KSR2: variants seen among roughly 807,000 people sequenced by gnomAD.
KSR2 encodes the protein kinase suppressor of ras 2.
Under a neutral mutation model 107.8 loss-of-function variants are expected in KSR2, and 25 were observed. That is an observed-to-expected ratio of 0.23 (90% CI 0.17 to 0.32). The LOEUF is 0.32. Among genes scored for constraint, KSR2 ranks in the 10% least tolerant of loss-of-function variants. The pLI is 1.00. For synonymous variants in KSR2, 480 were observed against 507.0 expected (o/e 0.95, Z 0.71); for missense variants, 887 against 1,268.9 (o/e 0.70, Z 4.57).
In KSR2 at chr12:117,453,978, T is replaced by C. The variant is rs1870466656; in HGVS notation, c.*13221A>G. On this transcript the variant is annotated 3_prime_UTR_variant, in exon 20 of 20. Transcript: ENST00000339824. The stretch of plus-strand genomic sequence containing the variant: ...TAGACGGGGGGAGGGGGTGTCCTTA[T>C]GACACTTGGGCATCCCTCCCCATGT... The C allele has an allele frequency of 6.6e-6, 1 of 152,160 alleles. No individual in the cohort carries two copies. The highest frequency in any genetic ancestry group is 2.4e-5 in the African/African-American group (1 of 41,440). The allele number at this position is 152,160 out of a possible 1,614,324, so 9.4% of individuals were successfully genotyped here.
chr12:117,718,214 G>A (rs911695107), intron 4 of KSR2, among the ~76,000 whole-genome samples: 1 of 152,238 alleles, frequency 6.6e-6, no homozygotes, highest in Non-Finnish European at 1.5e-5. Flanking sequence ...AGGTGCTGCT[G>A]TAAATCTTTT....
chr12:117,698,205 C>A (rs968405818), intron 4 of KSR2, among the ~76,000 whole-genome samples: 2 of 152,170 alleles, frequency 1.3e-5, no homozygotes, highest in Non-Finnish European at 2.9e-5. Flanking sequence ...TTAAGGCATC[C>A]AGTTTATGGT....
intron 4 of KSR2, among the ~76,000 whole-genome samples, chr12:117,737,751 C>T (rs968447931): frequency 6.9e-6 from 1 of 145,222 alleles, no homozygotes; most frequent in Non-Finnish European, 1.5e-5. Flanking sequence ...TCACTGCACT[C>T]CAGCCTGGGT....
intron 1 of KSR2, among the ~76,000 whole-genome samples, chr12:117,878,388 T>A (rs2137311984): frequency 6.6e-6 from 1 of 152,186 alleles, no homozygotes; most frequent in South Asian, 2.1e-4. Flanking sequence ...GACAGAGAAA[T>A]ATCAGCTTGC....
At chr12:117,857,016 C>G (rs1269961545) in intron 2 of KSR2, among the ~76,000 whole-genome samples, 3 of 152,072 alleles carry the variant, frequency 2.0e-5, no homozygotes, top group African/African-American at 7.2e-5. Flanking sequence ...TGCTGGTGAG[C>G]CCCTTTAAGA....
At chr12:117,794,207 A>G (rs1446004345) in intron 3 of KSR2, among the ~76,000 whole-genome samples, 1 of 111,244 alleles carries the variant, frequency 9.0e-6, no homozygotes, top group Non-Finnish European at 1.8e-5. Flanking sequence ...ATGCACACAT[A>G]CACCAACATG....
At chr12:117,805,467 T>C (rs1400159422) in intron 3 of KSR2, among the ~76,000 whole-genome samples, 3 of 152,172 alleles carry the variant, frequency 2.0e-5, no homozygotes, top group Admixed American at 1.3e-4. Context: ...ATGGGGACAA[T>C]AGAAATACTT....
chr12:117,855,698 G>A, intron 2 of KSR2, 120 bp from the exon 3 acceptor site: 1 of 988,140 alleles, frequency 1.0e-6, no homozygotes, highest in East Asian at 2.6e-5. Flanking sequence ...GCATGACAGT[G>A]GGGTCTCCGA....
chr12:117,542,042 T>C (rs949654131), intron 9 of KSR2, among the ~76,000 whole-genome samples: 1 of 152,000 alleles, frequency 6.6e-6, no homozygotes, highest in Non-Finnish European at 1.5e-5. Flanking sequence ...TGCACCACCA[T>C]GCCCAGCTTT....
chr12:117,802,124 G>A lies in KSR2; in HGVS notation c.473-40600C>T, dbSNP rs919680329. Among the ~76,000 whole-genome samples, 6 of 152,092 alleles carry A rather than the reference G, an allele frequency of 3.9e-5. No homozygotes were observed. In the East Asian group the frequency reaches 1.2e-3, roughly 29 times the overall value. On this transcript the variant is annotated intron_variant, in intron 3 of 19. Transcript: ENST00000339824. The stretch of plus-strand genomic sequence containing the variant: ...CAAAAATCAAGGTGTAAAGAAAACT[G>A]TATTTGTTCTAGGACCTCTAGGGGA...
chr12:117,707,761 A>T (rs1419915488), intron 4 of KSR2, among the ~76,000 whole-genome samples: 2 of 152,178 alleles, frequency 1.3e-5, no homozygotes, highest in Non-Finnish European at 2.9e-5. Flanking sequence ...CCTCACAGTA[A>T]CCCATCTATT....
intron 5 of KSR2, among the ~76,000 whole-genome samples, chr12:117,619,569 C>T (rs1882066866): frequency 6.6e-6 from 1 of 151,718 alleles, no homozygotes. Flanking sequence ...GCATAGTATT[C>T]CACGGTGTAT....
intron 5 of KSR2, among the ~76,000 whole-genome samples, chr12:117,656,987 T>TATATATATATATATATATAATAGG (rs1884201555): frequency 3.7e-5 from 1 of 26,706 alleles, no homozygotes; most frequent in African/African-American, 1.1e-4. Flanking sequence ...ATAGGATATA[T>TATATATATATATATATATAATAGG]ATATATATAT....
intron 5 of KSR2, among the ~76,000 whole-genome samples, chr12:117,644,640 C>A (rs192959497): frequency 2.0e-5 from 3 of 152,286 alleles, no homozygotes. Context: ...GCGCTTTCTT[C>A]TTGTTTCATG....
intron 3 of KSR2, among the ~76,000 whole-genome samples, chr12:117,766,630 T>C (rs1889237432): frequency 6.6e-6 from 1 of 151,926 alleles, no homozygotes; most frequent in South Asian, 2.1e-4. Flanking sequence ...TGCAGGAGCA[T>C]ACAGGGCACA....
chr12:117,568,721 A>T (rs1878693167), intron 7 of KSR2, among the ~76,000 whole-genome samples: 1 of 152,210 alleles, frequency 6.6e-6, no homozygotes, highest in African/African-American at 2.4e-5. Context: ...TGATAGCATC[A>T]TCATAATTAT....
At chr12:117,597,889 C>G (rs140831625) in intron 5 of KSR2, among the ~76,000 whole-genome samples, 5 of 152,194 alleles carry the variant, frequency 3.3e-5, no homozygotes, top group Non-Finnish European at 5.9e-5. Context: ...AGGATCCTCA[C>G]AGCAACCTGA....
chr12:117,805,775 A>G (rs1489828222), intron 3 of KSR2, among the ~76,000 whole-genome samples: 4 of 152,184 alleles, frequency 2.6e-5, no homozygotes, highest in African/African-American at 9.7e-5. Context: ...TGAGGTCGGG[A>G]GTTCGAGACC....
chr12:117,861,700 T>C (rs1893302410), intron 1 of KSR2, among the ~76,000 whole-genome samples: 1 of 152,184 alleles, frequency 6.6e-6, no homozygotes, highest in South Asian at 2.1e-4. Context: ...GGACTCCCAA[T>C]TCTTTAGGGG....
Sources: gnomAD v4.1 joint callset for allele counts (sites outside exome capture counted in the v4.1 genomes callset) on GRCh38, gnomAD v4.1.1 for gene constraint, MANE v1.5 for transcripts, NCBI Gene and HGNC (gene_info 2026-07-23, HGNC 2026-07-21) for gene names.